Variants in AP4M1 observed in about 807,000 individuals in gnomAD.
The protein encoded by AP4M1 is AP-4 complex subunit mu-1.
In AP4M1, 58 loss-of-function variants were observed where a neutral mutation model predicts 62.4. The observed-to-expected ratio is 0.93, with a 90% CI of 0.75 to 1.16. The LOEUF (loss-of-function observed/expected upper bound fraction) is 1.16. Ranked by LOEUF, AP4M1 falls within the 50% of genes most tolerant of loss-of-function variation. The pLI is 0.00. For synonymous variants in AP4M1, 290 were observed against 239.7 expected, an observed-to-expected ratio of 1.21 and a Z score of -1.94; for missense variants, 626 against 585.4, an observed-to-expected ratio of 1.07 and a Z score of -0.72.
Position 100,107,666 on chromosome 7 carries a change from C to G in AP4M1, c.*784C>G. ...GCAGGCCGCTTGCCCTGTGCCCTCC[C>G]TGCCCCCCAGAGGCCTGGCGAGGAC... On this transcript the variant is annotated 3_prime_UTR_variant, in exon 15 of 15. Transcript: ENST00000359593. 6.3e-7 allele frequency: 1 copy of G among 1,595,852 alleles called. No individual in the cohort carries two copies. Among genetic ancestry groups the G allele is most frequent in the Non-Finnish European group, 8.5e-7 (1 of 1,172,790 alleles).
upstream of AP4M1, chr7:100,101,164 A>G: frequency 6.7e-7 from 1 of 1,490,690 alleles, no homozygotes; most frequent in East Asian, 2.3e-5. Context: ...GCACCCCAGA[A>G]CCCGCCGACC....
Position 100,104,076 on chromosome 7 carries a change from T to A in AP4M1, c.544-16T>A. 1 of 1,613,146 alleles carries A rather than the reference T, an allele frequency of 6.2e-7. No homozygotes were observed. Among genetic ancestry groups the A allele is most frequent in the Non-Finnish European group, 8.5e-7 (1 of 1,179,354 alleles). Reference sequence around the variant, plus strand: ...CTATTCTGCTTCCAACCACCCAAATTCTCTCTCTTTCTCAGAGCCAAAAGA... The same window carrying A: ...CTATTCTGCTTCCAACCACCCAAATACTCTCTCTTTCTCAGAGCCAAAAGA... On this transcript the variant is annotated splice_polypyrimidine_tract_variant and intron_variant, in intron 6 of 14. Coordinates refer to ENST00000359593, the MANE Select transcript of AP4M1 (RefSeq NM_004722.4).
intron 7 of AP4M1, 42 bp from the exon 8 acceptor site, chr7:100,104,828 AAAAG>A (rs1279629424): frequency 7.4e-6 from 12 of 1,611,276 alleles, no homozygotes; most frequent in East Asian, 2.2e-5. Flanking sequence ...CCGTCTCAAA[AAAAG>A]AAAGAAAAAA....
Position 100,107,471 on chromosome 7 carries a change from G to C in AP4M1, c.*589G>C. On this transcript the variant is annotated 3_prime_UTR_variant, in exon 15 of 15. Transcript: ENST00000359593. The stretch of plus-strand genomic sequence containing the variant: ...GAAGTGAGACCACGATGTACTTCTG[G>C]ACACTCCCAGGACCAGAGGGAGCAG... 6.2e-7 allele frequency: 1 copy of C among 1,613,928 alleles called. No homozygotes were observed. Among genetic ancestry groups the C allele is most frequent in the Non-Finnish European group, 8.5e-7 (1 of 1,179,870 alleles).
chr7:100,105,839 CT>C, intron 11 of AP4M1, 119 bp from the exon 12 acceptor site: 9 of 1,267,186 alleles, frequency 7.1e-6, no homozygotes, highest in Non-Finnish European at 9.3e-6. Context: ...GGCTTCAGCC[CT>C]TTTCCCTCTT....
intron 2 of AP4M1, 44 bp from the exon 3 acceptor site, chr7:100,102,631 C>A: frequency 6.4e-7 from 1 of 1,572,594 alleles, no homozygotes; most frequent in African/African-American, 1.3e-5. Context: ...GATCACTCCA[C>A]CTCCCTTTTT....
chr7:100,107,923 T>C lies in AP4M1; in HGVS notation c.*1041T>C. 3 of 1,604,788 alleles carry C rather than the reference T, an allele frequency of 1.9e-6. No individual in the cohort carries two copies. The highest frequency in any genetic ancestry group is 2.6e-6 in the Non-Finnish European group (3 of 1,174,430). On this transcript the variant is annotated 3_prime_UTR_variant, in exon 15 of 15. Coordinates refer to ENST00000359593, the MANE Select transcript of AP4M1 (RefSeq NM_004722.4). ...ATGCTCCCTGTCCCACAGCTCTGCA[T>C]ACCTGCTGGGTGGATGGGGCGCTGG...
rs746643121 is a variant in AP4M1 at position 100,101,989 on chromosome 7, G to T, written c.147+21G>T. ...TCATGGTAACCAGTGGCGGGAGGCG[G>T]GTGAGGAGCGGGGTCCCGTCGGGCC... On this transcript the variant is annotated intron_variant, in intron 2 of 14. Coordinates refer to ENST00000359593, the MANE Select transcript of AP4M1 (RefSeq NM_004722.4). The T allele has an allele frequency of 5.6e-6, 9 of 1,612,458 alleles. No homozygotes were observed. In the Admixed American group the frequency reaches 1.3e-4, roughly 24 times the overall value.
chr7:100,104,155 G>A lies in AP4M1; in HGVS notation c.606+1G>A, dbSNP rs758640033. On this transcript the variant is annotated splice_donor_variant, in intron 7 of 14. Coordinates refer to ENST00000359593, the MANE Select transcript of AP4M1 (RefSeq NM_004722.4). LOFTEE classifies it high-confidence loss of function. ...ATTGTCTGTACTGATAGCATCTAAT[G>A]TAAGTTTGAGCTCCCAAACCTGGAG... 2 of 1,613,778 alleles carry A rather than the reference G, an allele frequency of 1.2e-6. No homozygotes were observed. Among genetic ancestry groups the A allele is most frequent in the South Asian group, 2.2e-5 (2 of 91,070 alleles).
intron 11 of AP4M1, 83 bp downstream of exon 11, chr7:100,105,622 GGTGGTGGTA>G (rs1048780951): frequency 2.4e-5 from 33 of 1,370,950 alleles, no homozygotes; most frequent in East Asian, 1.9e-4. Flanking sequence ...GCAGAGTGGG[GGTGGTGGTA>G]GTGGTGATGG....
Position 100,106,515 on chromosome 7 carries a change from G to A in AP4M1, c.1137+1G>A. The A allele has an allele frequency of 1.2e-6, 2 of 1,612,674 alleles. No homozygotes were observed. Among genetic ancestry groups the A allele is most frequent in the Non-Finnish European group, 1.7e-6 (2 of 1,179,816 alleles). ...CTCTCAACTCTCAGGCCTTTTCCAG[G>A]TATTCGCTGTGGACCCCCAGCCCCT... On this transcript the variant is annotated splice_donor_variant, in intron 14 of 14. Coordinates refer to ENST00000359593, the MANE Select transcript of AP4M1 (RefSeq NM_004722.4). LOFTEE classifies it high-confidence loss of function.
At chr7:100,101,151 C>G, upstream of AP4M1, 1 of 1,356,618 alleles carries the variant, frequency 7.4e-7, no homozygotes, top group South Asian at 1.2e-5. Flanking sequence ...CCTCTGGCCT[C>G]GCGCACCCCA....
upstream of AP4M1, chr7:100,101,228 C>T: frequency 1.2e-6 from 2 of 1,612,462 alleles, no homozygotes; most frequent in Non-Finnish European, 1.7e-6. Context: ...GGAGGCTCCC[C>T]GCGCAGGACG....
chr7:100,102,924 T>G lies in AP4M1; in HGVS notation c.315T>G (p.Asn105Lys). ...TGGGCGAGGGGACCATCTCCCGCAA[T>G]GTGGCTCTGGTATACGAACTCCTGG... ...GSLGEGTISR[N>K]VALVYELLDE... Residue 105 changes from asparagine (N) to lysine (K), a missense_variant, in exon 4 of 15, where the codon AAT becomes AAG. Coordinates refer to ENST00000359593, the MANE Select transcript of AP4M1 (RefSeq NM_004722.4). 1 of 1,614,138 alleles carries G rather than the reference T, an allele frequency of 6.2e-7. No homozygotes were observed. Among genetic ancestry groups the G allele is most frequent in the Non-Finnish European group, 8.5e-7 (1 of 1,180,028 alleles).
chr7:100,103,974 C>T (rs1796271405), intron 6 of AP4M1, 118 bp from the exon 7 acceptor site: 6 of 869,738 alleles, frequency 6.9e-6, no homozygotes, highest in South Asian at 5.5e-5. Context: ...TCCCTTCCAT[C>T]ACCCATGTCC....
At chr7:100,101,525 G>T, upstream of AP4M1, 1 of 784,024 alleles carries the variant, frequency 1.3e-6, no homozygotes, top group Non-Finnish European at 2.1e-6. Context: ...TGACGGGGAG[G>T]CGGTGCGGGC....
intron 1 of AP4M1, 29 bp from the exon 2 acceptor site, chr7:100,101,851 A>C (rs781113493): frequency 1.9e-6 from 3 of 1,612,616 alleles, no homozygotes; most frequent in Non-Finnish European, 2.5e-6. Context: ...GTGTCGCAGG[A>C]TCCTTCACTG....
rs1562918468 is a variant in AP4M1, at chr7:100,107,851, A to G, written c.*969A>G. On this transcript the variant is annotated 3_prime_UTR_variant, in exon 15 of 15. Coordinates refer to ENST00000359593, the MANE Select transcript of AP4M1 (RefSeq NM_004722.4). ...TGGGGCCCAGAGGGGACTGTGCTCT[A>G]CTCCTGGGCCTCCCCAGGGTGCTCT... 6.6e-7 allele frequency: 1 copy of G among 1,515,936 alleles called. No homozygotes were observed. Among genetic ancestry groups the G allele is most frequent in the Non-Finnish European group, 8.9e-7 (1 of 1,122,654 alleles). 93.9% of individuals were successfully genotyped at this position (1,515,936 alleles called of 1,614,324 possible). A position where few individuals can be genotyped will look rare whatever the true frequency, so the allele number is the denominator to read the frequency against.
chr7:100,106,194 G>A (rs1238275643), intron 12 of AP4M1, 47 bp from the exon 13 acceptor site: 2 of 1,608,362 alleles, frequency 1.2e-6, no homozygotes, highest in East Asian at 2.2e-5. Flanking sequence ...AACAGGACAA[G>A]GGACTGTGCC....
Sources: gnomAD v4.1 joint callset for allele counts on GRCh38, gnomAD v4.1.1 for gene constraint, MANE v1.5 for transcripts, NCBI Gene and HGNC (gene_info 2026-07-23, HGNC 2026-07-21) for gene names.